SEC22A: variants seen among roughly 807,000 people sequenced by gnomAD.
SEC22A encodes the protein SEC22 homolog A, vesicle trafficking protein.
SEC22A carries 22 observed loss-of-function variants against 35.3 expected under a neutral mutation model. The observed-to-expected ratio is 0.62, with a 90% CI of 0.45 to 0.89. SEC22A has a LOEUF of 0.89. SEC22A is among the 40% of genes least tolerant of loss of function. The probability of loss-of-function intolerance (pLI) is 0.00; values close to 1 mark genes in which losing one functional copy is unlikely to be tolerated. For synonymous variants in SEC22A, 119 were observed against 129.5 expected (o/e 0.92, Z 0.55); for missense variants, 354 against 362.5 (o/e 0.98, Z 0.19).
At chr3:123,210,473 A>G (rs1936924848) in intron 2 of SEC22A, among the ~76,000 whole-genome samples, 1 of 152,212 alleles carries the variant, frequency 6.6e-6, no homozygotes, top group African/African-American at 2.4e-5. Context: ...TCTCCTTGGT[A>G]AAAAGTAAGA....
intron 2 of SEC22A, among the ~76,000 whole-genome samples, chr3:123,210,501 T>G (rs1936925287): frequency 6.6e-6 from 1 of 152,222 alleles, no homozygotes; most frequent in Middle Eastern, 3.2e-3. Context: ...TTGGACATGT[T>G]AAATCTGAGA....
At chr3:123,211,162 A>G (rs1229266411) in intron 2 of SEC22A, among the ~76,000 whole-genome samples, 2 of 152,210 alleles carry the variant, frequency 1.3e-5, no homozygotes, top group Non-Finnish European at 2.9e-5. Flanking sequence ...TAAGGCAGAG[A>G]GGCCAACTTA....
chr3:123,232,531 G>A (rs1937340571), intron 4 of SEC22A, among the ~76,000 whole-genome samples: 1 of 152,104 alleles, frequency 6.6e-6, no homozygotes, highest in Admixed American at 6.6e-5. Context: ...TTAATAACCA[G>A]TTATTTACAA....
intron 1 of SEC22A, among the ~76,000 whole-genome samples, chr3:123,207,134 T>G (rs1210167500): frequency 6.6e-6 from 1 of 152,154 alleles, no homozygotes. Context: ...ACCTAGAGAT[T>G]TCTCCTTTTT....
At chr3:123,232,669 C>T (rs1937343495) in intron 4 of SEC22A, among the ~76,000 whole-genome samples, 1 of 151,484 alleles carries the variant, frequency 6.6e-6, no homozygotes, top group African/African-American at 2.4e-5. Context: ...CAATGTAGTG[C>T]AACACTGTCT....
intron 1 of SEC22A, among the ~76,000 whole-genome samples, chr3:123,202,869 A>G (rs1936774611): frequency 1.3e-5 from 2 of 152,076 alleles, no homozygotes; most frequent in Admixed American, 6.5e-5. Flanking sequence ...ATCACTTTCC[A>G]TGTTACTGAT....
chr3:123,260,156 A>C (rs865807979), intron 6 of SEC22A, among the ~76,000 whole-genome samples: 20 of 146,662 alleles, frequency 1.4e-4, no homozygotes, highest in Admixed American at 4.8e-4. Flanking sequence ...AAAAAAAAAA[A>C]AAAAAAAAAA....
In SEC22A at chr3:123,225,171, T is replaced by C; in HGVS notation, c.415T>C (p.Ser139Pro). Residue 139 changes from serine (S) to proline (P), a missense_variant, in exon 4 of 7, where the codon TCT (serine) becomes CCT (proline). Transcript: ENST00000492595. Reference sequence around the variant, plus strand: ...GTCTCTTTCAACAAAGATAAATCTTTCTGACATGCAGACGGAAATCAAGCT... The same window carrying C: ...GTCTCTTTCAACAAAGATAAATCTTCCTGACATGCAGACGGAAATCAAGCT... ...PRSLSTKINL[S>P]DMQTEIKLRP... is the part of the protein sequence containing the mutation. 1 of 1,613,858 alleles carries C rather than the reference T, an allele frequency of 6.2e-7. No homozygotes were observed. The highest frequency in any genetic ancestry group is 8.5e-7 in the Non-Finnish European group (1 of 1,179,770).
chr3:123,256,032 C>T (rs769265232), intron 5 of SEC22A, among the ~76,000 whole-genome samples: 5 of 151,520 alleles, frequency 3.3e-5, no homozygotes, highest in Non-Finnish European at 5.9e-5. Flanking sequence ...TATTCTTTTA[C>T]GTAATCATAA....
At chr3:123,262,749 T>C (rs547303703) in intron 6 of SEC22A, among the ~76,000 whole-genome samples, 19 of 152,338 alleles carry the variant, frequency 1.2e-4, no homozygotes, top group South Asian at 8.3e-4. Flanking sequence ...TTTCAACTTA[T>C]AATGAGTATA....
chr3:123,263,949 A>G (rs1290256316), intron 6 of SEC22A, among the ~76,000 whole-genome samples: 1 of 138,408 alleles, frequency 7.2e-6, no homozygotes, highest in African/African-American at 2.7e-5. Flanking sequence ...AAGACAAGGT[A>G]TTGCTCTGTC....
chr3:123,208,015 C>G (rs901809076), intron 1 of SEC22A, among the ~76,000 whole-genome samples: 4 of 151,986 alleles, frequency 2.6e-5, no homozygotes, highest in Non-Finnish European at 5.9e-5. Flanking sequence ...ACCAATAATA[C>G]CATTTCTTAG....
At chr3:123,209,483 G>A in intron 2 of SEC22A, 84 bp downstream of exon 2, 1 of 1,113,550 alleles carries the variant, frequency 9.0e-7, no homozygotes, top group South Asian at 1.5e-5. Context: ...ATAGAAAGGA[G>A]TGATTAGGAA....
intron 6 of SEC22A, among the ~76,000 whole-genome samples, chr3:123,263,461 C>T (rs1218354658): frequency 1.3e-5 from 2 of 152,220 alleles, no homozygotes; most frequent in African/African-American, 2.4e-5. Flanking sequence ...GCTCCTAATA[C>T]CATCACATTA....
chr3:123,258,848 G>A (rs563486816), intron 5 of SEC22A, among the ~76,000 whole-genome samples: 1 of 152,150 alleles, frequency 6.6e-6, no homozygotes, highest in South Asian at 2.1e-4. Context: ...AGTCGATAAT[G>A]TAGATATTTA....
chr3:123,264,000 CA>C, intron 6 of SEC22A, among the ~76,000 whole-genome samples: 1 of 152,068 alleles, frequency 6.6e-6, no homozygotes, highest in South Asian at 2.1e-4. Context: ...AGCCTCACCG[CA>C]GCTTTGAACT....
chr3:123,263,925 CTT>C (rs200151212), intron 6 of SEC22A, among the ~76,000 whole-genome samples: 2 of 137,084 alleles, frequency 1.5e-5, no homozygotes, highest in Admixed American at 7.3e-5. Flanking sequence ...TGATTTGTTC[CTT>C]TTTTTTTTTT....
At chr3:123,234,558 A>G (rs1937381634) in intron 4 of SEC22A, among the ~76,000 whole-genome samples, 1 of 152,216 alleles carries the variant, frequency 6.6e-6, no homozygotes, top group Non-Finnish European at 1.5e-5. Flanking sequence ...TAGATACCAC[A>G]TGCAAAAGAA....
chr3:123,263,940 A>G (rs1374296454), intron 6 of SEC22A, among the ~76,000 whole-genome samples: 3 of 145,838 alleles, frequency 2.1e-5, no homozygotes, highest in African/African-American at 7.6e-5. Flanking sequence ...TTTTTTTTAA[A>G]GACAAGGTAT....
Sources: allele counts gnomAD v4.1 joint callset (sites outside exome capture counted in the v4.1 genomes callset), GRCh38; gene constraint gnomAD v4.1.1; transcripts MANE v1.5; gene names NCBI Gene and HGNC (gene_info 2026-07-23, HGNC 2026-07-21).